The following CTNNA3 variants were observed in gnomAD, a reference collection of about 807,000 sequenced individuals.
The protein encoded by CTNNA3 is catenin alpha-3.
In CTNNA3, 76 loss-of-function variants were observed where a neutral mutation model predicts 95.7. The observed-to-expected ratio is 0.79, with a 90% CI of 0.66 to 0.96. CTNNA3 has a LOEUF of 0.96. CTNNA3 is among the 40% of genes least tolerant of loss of function. The pLI is 0.00. For synonymous variants in CTNNA3, 431 were observed against 374.4 expected, an observed-to-expected ratio of 1.15 and a Z score of -1.74; for missense variants, 1,191 against 1,089.8, an observed-to-expected ratio of 1.09 and a Z score of -1.31.
chr10:66,704,057 G>A (rs747922814), intron 9 of CTNNA3, among the ~76,000 whole-genome samples: 13 of 151,870 alleles, frequency 8.6e-5, no homozygotes, highest in South Asian at 6.2e-4. Flanking sequence ...CTCCCGATTC[G>A]TATTCCATTA....
chr10:67,114,151 C>A (rs1028324703), intron 7 of CTNNA3, among the ~76,000 whole-genome samples: 3 of 151,904 alleles, frequency 2.0e-5, no homozygotes, highest in African/African-American at 4.8e-5. Flanking sequence ...ATATTAAATT[C>A]TGTTCCCAAT....
At chr10:66,394,336 T>C (rs1334048238) in intron 11 of CTNNA3, among the ~76,000 whole-genome samples, 1 of 151,936 alleles carries the variant, frequency 6.6e-6, no homozygotes, top group African/African-American at 2.4e-5. Flanking sequence ...TATTCTGGTG[T>C]AGGAGCTAAA....
chr10:66,072,448 G>GTTTTGTTTTC (rs771737405), intron 14 of CTNNA3, among the ~76,000 whole-genome samples: 19 of 151,804 alleles, frequency 1.3e-4, no homozygotes, highest in Non-Finnish European at 2.4e-4. Flanking sequence ...TCTTGTTTTT[G>GTTTTGTTTTC]TTTTGTTTTG....
chr10:66,484,476 T>C (rs1378928289), intron 11 of CTNNA3, among the ~76,000 whole-genome samples: 1 of 151,882 alleles, frequency 6.6e-6, no homozygotes, highest in East Asian at 1.9e-4. Context: ...AATAAAGGAG[T>C]GTCTGAAAAC....
intron 6 of CTNNA3, among the ~76,000 whole-genome samples, chr10:67,181,129 C>T (rs533030592): frequency 6.6e-6 from 1 of 152,152 alleles, no homozygotes; most frequent in Non-Finnish European, 1.5e-5. Context: ...ATATTATTTT[C>T]ATTATGCCTC....
chr10:67,761,895 G>C (rs1274938185), intron 1 of CTNNA3, among the ~76,000 whole-genome samples: 1 of 150,596 alleles, frequency 6.6e-6, no homozygotes, highest in Non-Finnish European at 1.5e-5. Flanking sequence ...AAAAAGAACA[G>C]AAACAGGGAG....
intron 13 of CTNNA3, among the ~76,000 whole-genome samples, chr10:66,147,608 GTTTTTTT>G (rs34193216): frequency 1.9e-5 from 2 of 105,766 alleles, no homozygotes; most frequent in African/African-American, 7.0e-5. Flanking sequence ...GTTGCTTTCA[GTTTTTTT>G]TTTTTTTTTT....
rs556255895 is a variant in CTNNA3, at chr10:67,128,257, C to G, written c.1047+52060G>C. ...ATTTAAAGTTATAGACTGAGTAAAG[C>G]AGACTCAGTTTATAATTTTAAATGT... is the stretch of plus-strand genomic sequence containing the variant. On this transcript the variant is annotated intron_variant, in intron 7 of 17. Coordinates refer to ENST00000433211, the MANE Select transcript of CTNNA3 (RefSeq NM_013266.4). 2.2e-4 allele frequency among the ~76,000 whole-genome samples: 33 copies of G among 152,076 alleles called. 2 individuals are homozygous for G. Among genetic ancestry groups the G allele is most frequent in the Admixed American group, 2.2e-3 (33 of 15,252 alleles).
chr10:67,451,029 G>A (rs1352223341), intron 5 of CTNNA3, among the ~76,000 whole-genome samples: 1 of 152,028 alleles, frequency 6.6e-6, no homozygotes, highest in Non-Finnish European at 1.5e-5. Flanking sequence ...GCCTTTATGA[G>A]GTAATTAGGC....
At chr10:67,679,295 C>A (rs958320624) in intron 1 of CTNNA3, among the ~76,000 whole-genome samples, 7 of 152,128 alleles carry the variant, frequency 4.6e-5, no homozygotes, top group African/African-American at 1.7e-4. Context: ...AAAGAACCTG[C>A]CCCCTAGTTA....
chr10:66,336,680 T>C (rs2092400226), intron 12 of CTNNA3, among the ~76,000 whole-genome samples: 1 of 152,122 alleles, frequency 6.6e-6, no homozygotes, highest in Non-Finnish European at 1.5e-5. Context: ...ATTTCACATC[T>C]ACTTACTTTC....
At chr10:66,540,045 T>G (rs1263465634) in intron 10 of CTNNA3, among the ~76,000 whole-genome samples, 1 of 152,118 alleles carries the variant, frequency 6.6e-6, no homozygotes, top group East Asian at 1.9e-4. Context: ...TTCTTTTGTT[T>G]GTTATCACCA....
intron 7 of CTNNA3, among the ~76,000 whole-genome samples, chr10:66,961,463 T>G (rs1232529010): frequency 1.3e-5 from 2 of 152,200 alleles, no homozygotes; most frequent in Non-Finnish European, 2.9e-5. Flanking sequence ...TGCCACTCAC[T>G]GGTGATTTTC....
chr10:67,735,178 C>G (rs551527092), intron 1 of CTNNA3, among the ~76,000 whole-genome samples: 1 of 150,480 alleles, frequency 6.6e-6, no homozygotes, highest in African/African-American at 2.5e-5. Context: ...CACACACAGG[C>G]TCTCTTAGGT....
At chr10:66,068,054 T>C (rs372122142) in intron 15 of CTNNA3, among the ~76,000 whole-genome samples, 3 of 152,228 alleles carry the variant, frequency 2.0e-5, no homozygotes. Flanking sequence ...CCCAAATTAC[T>C]ATAAGGCTTA....
chr10:65,964,938 T>C (rs981686247), intron 17 of CTNNA3, among the ~76,000 whole-genome samples: 1 of 152,186 alleles, frequency 6.6e-6, no homozygotes, highest in Non-Finnish European at 1.5e-5. Flanking sequence ...CATACATGTA[T>C]GCATATGTGT....
intron 7 of CTNNA3, among the ~76,000 whole-genome samples, chr10:67,109,963 C>T (rs1355790784): frequency 6.6e-6 from 1 of 152,094 alleles, no homozygotes; most frequent in Non-Finnish European, 1.5e-5. Context: ...GGGAATTGTG[C>T]CTAATATTCT....
intron 7 of CTNNA3, among the ~76,000 whole-genome samples, chr10:66,918,939 T>C (rs1194019478): frequency 6.6e-6 from 1 of 151,786 alleles, no homozygotes; most frequent in African/African-American, 2.4e-5. Flanking sequence ...ATTGAGACCA[T>C]CCTGGCTAAC....
At chr10:67,496,613 T>C (rs939981946) in intron 5 of CTNNA3, among the ~76,000 whole-genome samples, 5 of 152,212 alleles carry the variant, frequency 3.3e-5, no homozygotes, top group African/African-American at 1.2e-4. Flanking sequence ...TAACTGAATA[T>C]GAAATTAGTT....
Sources: allele counts gnomAD v4.1 joint callset (sites outside exome capture counted in the v4.1 genomes callset), GRCh38; gene constraint gnomAD v4.1.1; transcripts MANE v1.5; gene names NCBI Gene and HGNC (gene_info 2026-07-23, HGNC 2026-07-21).